Variants in CDH13 observed in about 807,000 individuals in gnomAD.
CDH13 encodes the protein cadherin 13.
Under a neutral mutation model 63.8 loss-of-function variants are expected in CDH13, and 24 were observed. The observed-to-expected ratio is 0.38, with a 90% CI of 0.27 to 0.53. The LOEUF (loss-of-function observed/expected upper bound fraction) is 0.53, where lower values mean the gene tolerates loss of function less well. Among genes scored for constraint, CDH13 ranks in the 20% least tolerant of loss-of-function variants. CDH13 has a pLI of 0.85. For missense variants in CDH13, 1,049 were observed against 903.1 expected (o/e 1.16, Z -2.07); for synonymous variants, 503 against 355.3 (o/e 1.42, Z -4.67).
intron 5 of CDH13, among the ~76,000 whole-genome samples, chr16:83,306,162 G>A (rs1406018662): frequency 2.0e-5 from 3 of 152,146 alleles, no homozygotes; most frequent in East Asian, 1.9e-4. Flanking sequence ...GGGAGCTAAC[G>A]TTGTCACTGG....
At chr16:83,537,149 A>G (rs541897846) in intron 7 of CDH13, among the ~76,000 whole-genome samples, 75 of 152,358 alleles carry the variant, frequency 4.9e-4, no homozygotes, top group African/African-American at 1.6e-3. Flanking sequence ...ACAGATTTGG[A>G]GTAGGCATTT....
chr16:83,233,171 T>C (rs1359500009), intron 5 of CDH13, among the ~76,000 whole-genome samples: 1 of 152,210 alleles, frequency 6.6e-6, no homozygotes, highest in Non-Finnish European at 1.5e-5. Flanking sequence ...TGTGCAAATA[T>C]ACGAGACAAA....
intron 4 of CDH13, among the ~76,000 whole-genome samples, chr16:83,150,390 T>C (rs899709072): frequency 2.0e-5 from 3 of 152,220 alleles, no homozygotes; most frequent in African/African-American, 7.2e-5. Flanking sequence ...TCCCTTGCTA[T>C]CATTATCTCT....
At chr16:83,517,913 T>A (rs2074736754) in intron 7 of CDH13, among the ~76,000 whole-genome samples, 1 of 152,138 alleles carries the variant, frequency 6.6e-6, no homozygotes, top group Admixed American at 6.5e-5. Flanking sequence ...AGGTCGATAT[T>A]ATTATCGTTC....
chr16:83,148,068 G>T (rs1281151781), intron 4 of CDH13, among the ~76,000 whole-genome samples: 1 of 152,208 alleles, frequency 6.6e-6, no homozygotes, highest in Non-Finnish European at 1.5e-5. Context: ...CTCCTGAGTA[G>T]CTGGGATTAC....
chr16:83,079,945 G>C (rs1034332056), intron 3 of CDH13, among the ~76,000 whole-genome samples: 4 of 152,200 alleles, frequency 2.6e-5, no homozygotes, highest in Non-Finnish European at 5.9e-5. Context: ...GGATAAAGTT[G>C]AGTCGCACAT....
At chr16:83,212,904 G>T (rs1055144929) in intron 4 of CDH13, among the ~76,000 whole-genome samples, 3 of 152,164 alleles carry the variant, frequency 2.0e-5, no homozygotes, top group Admixed American at 6.5e-5. Context: ...AGACCAATTA[G>T]TCTAGAGAAA....
At chr16:82,924,453 G>A (rs951924277) in intron 2 of CDH13, among the ~76,000 whole-genome samples, 3 of 152,186 alleles carry the variant, frequency 2.0e-5, no homozygotes, top group Non-Finnish European at 4.4e-5. Flanking sequence ...TATTTACTCA[G>A]GTGGTGGTTG....
At chr16:82,846,583 A>G (rs911371477) in intron 1 of CDH13, among the ~76,000 whole-genome samples, 1 of 152,134 alleles carries the variant, frequency 6.6e-6, no homozygotes, top group Non-Finnish European at 1.5e-5. Context: ...AAAAATTGAG[A>G]TTTCGACCCA....
intron 6 of CDH13, among the ~76,000 whole-genome samples, chr16:83,380,754 G>A (rs767824860): frequency 6.6e-6 from 1 of 151,472 alleles, no homozygotes; most frequent in African/African-American, 2.4e-5. Flanking sequence ...CAGCTCATGG[G>A]CCAGAATTCA....
chr16:83,350,312 T>A (rs1265165750), intron 6 of CDH13, among the ~76,000 whole-genome samples: 1 of 152,154 alleles, frequency 6.6e-6, no homozygotes, highest in Non-Finnish European at 1.5e-5. Context: ...TTGAGAAAGA[T>A]AGGTGGTGAG....
intron 3 of CDH13, among the ~76,000 whole-genome samples, chr16:83,068,415 A>G (rs1274906670): frequency 2.6e-5 from 4 of 152,186 alleles, no homozygotes; most frequent in African/African-American, 9.7e-5. Context: ...GAGACTAGTC[A>G]CATATGAAAT....
intron 3 of CDH13, among the ~76,000 whole-genome samples, chr16:83,080,887 T>TTTTTTTG (rs1597293488): frequency 8.4e-6 from 1 of 118,788 alleles, no homozygotes; most frequent in Non-Finnish European, 1.8e-5. Flanking sequence ...TTTTTTTTTT[T>TTTTTTTG]TTTTTTTTTT....
intron 5 of CDH13, among the ~76,000 whole-genome samples, chr16:83,262,831 C>T (rs1210037529): frequency 6.6e-6 from 1 of 152,162 alleles, no homozygotes; most frequent in African/African-American, 2.4e-5. Flanking sequence ...TAAAAGCTTT[C>T]TCCCAACGCT....
intron 1 of CDH13, among the ~76,000 whole-genome samples, chr16:82,762,485 A>G (rs912300384): frequency 6.6e-6 from 1 of 152,236 alleles, no homozygotes; most frequent in Non-Finnish European, 1.5e-5. Flanking sequence ...ATGTTATTTA[A>G]TAAACCCCTA....
At position 83,602,107 on chromosome 16, in the gene CDH13, C is replaced by CAAAAAAAAAA. The variant is rs869202510; in HGVS notation, c.961-320_961-311dup. Among the ~76,000 whole-genome samples, 10 of 7,956 alleles carry CAAAAAAAAAA rather than the reference C, an allele frequency of 1.3e-3. 1 individual carries two copies. Among genetic ancestry groups the CAAAAAAAAAA allele is most frequent in the Non-Finnish European group, 1.7e-3 (9 of 5,366 alleles). The allele number at this position is 7,956 out of a possible 152,430, so 5.2% of individuals were successfully genotyped here. A position where few individuals can be genotyped will look rare whatever the true frequency, so the allele number is the denominator to read the frequency against. On this transcript the variant is annotated intron_variant, in intron 7 of 13. Transcript: ENST00000567109. The stretch of plus-strand genomic sequence containing the variant: ...CAAAAAAAAAAAAAAAGAACAACAA[C>CAAAAAAAAAA]AAAAAAAAAAAAAAAAAAAAAAAAA...
intron 1 of CDH13, among the ~76,000 whole-genome samples, chr16:82,682,651 A>G (rs1448948829): frequency 6.6e-6 from 1 of 152,222 alleles, no homozygotes; most frequent in Non-Finnish European, 1.5e-5. Context: ...CCCCTAGGAA[A>G]TTCAAATAGG....
At chr16:83,481,954 A>G (rs74032576) in intron 6 of CDH13, among the ~76,000 whole-genome samples, 6,350 of 152,254 alleles carry the variant, frequency 0.042, 461 homozygotes, top group African/African-American at 0.14. Flanking sequence ...GAGGAGAGGC[A>G]CAGGCATCAC....
intron 4 of CDH13, among the ~76,000 whole-genome samples, chr16:83,159,726 C>T (rs957691280): frequency 3.3e-5 from 5 of 152,156 alleles, no homozygotes; most frequent in Non-Finnish European, 7.3e-5. Context: ...TACAGCATAG[C>T]CGCCTGTCAA....
Sources: allele counts gnomAD v4.1 joint callset (sites outside exome capture counted in the v4.1 genomes callset), GRCh38; gene constraint gnomAD v4.1.1; transcripts MANE v1.5; gene names NCBI Gene and HGNC (gene_info 2026-07-23, HGNC 2026-07-21).